GALNTL6: variants seen among roughly 807,000 people sequenced by gnomAD.
GALNTL6 encodes the protein polypeptide N-acetylgalactosaminyltransferase like 6, also known as polypeptide N-acetylgalactosaminyltransferase-like 6.
In GALNTL6, 46 loss-of-function variants were observed where a neutral mutation model predicts 73.7. The ratio of observed to expected loss-of-function variants is 0.62; its 90% CI spans 0.49 to 0.80. The LOEUF is 0.80. GALNTL6 is among the 30% of genes least tolerant of loss of function. GALNTL6 has a pLI of 0.00. For synonymous variants in GALNTL6, 259 were observed against 263.7 expected (o/e 0.98, Z 0.17); for missense variants, 604 against 755.0 (o/e 0.80, Z 2.34).
intron 5 of GALNTL6, among the ~76,000 whole-genome samples, chr4:172,590,159 T>C (rs1347036180): frequency 6.6e-6 from 1 of 152,170 alleles, no homozygotes; most frequent in Non-Finnish European, 1.5e-5. Flanking sequence ...TATCAGTTGC[T>C]TTATGGGGAA....
chr4:172,206,780 TTG>T (rs148042327), intron 2 of GALNTL6, among the ~76,000 whole-genome samples: 3 of 79,044 alleles, frequency 3.8e-5, no homozygotes, highest in Admixed American at 1.6e-4. Context: ...AACGTGTTTT[TTG>T]TTTTGTTTTG....
intron 8 of GALNTL6, among the ~76,000 whole-genome samples, chr4:172,889,751 A>G (rs942976911): frequency 6.6e-6 from 1 of 152,118 alleles, no homozygotes; most frequent in Non-Finnish European, 1.5e-5. Flanking sequence ...TTTTGACATC[A>G]GGGTGATACT....
intron 5 of GALNTL6, among the ~76,000 whole-genome samples, chr4:172,465,817 C>T (rs1415090141): frequency 6.6e-6 from 1 of 152,154 alleles, no homozygotes; most frequent in Admixed American, 6.5e-5. Context: ...GAATCATATC[C>T]ACACCTTTTA....
intron 2 of GALNTL6, among the ~76,000 whole-genome samples, chr4:171,867,485 A>AT (rs1228210796): frequency 6.6e-6 from 1 of 152,104 alleles, no homozygotes; most frequent in Non-Finnish European, 1.5e-5. Flanking sequence ...TTCTAGTCAC[A>AT]TTTTCCATTC....
chr4:171,921,666 AC>A (rs1418987881), intron 2 of GALNTL6, among the ~76,000 whole-genome samples: 2 of 152,106 alleles, frequency 1.3e-5, no homozygotes, highest in Admixed American at 1.3e-4. Context: ...TATTCTGAGA[AC>A]AATTTTTATT....
intron 5 of GALNTL6, among the ~76,000 whole-genome samples, chr4:172,583,890 T>C (rs1394729653): frequency 3.0e-5 from 3 of 101,356 alleles, no homozygotes; most frequent in African/African-American, 4.7e-5. Flanking sequence ...CGAGACTCTG[T>C]CTCAAAAAAA....
intron 10 of GALNTL6, among the ~76,000 whole-genome samples, chr4:173,006,827 A>G (rs1012618828): frequency 3.3e-5 from 5 of 152,232 alleles, no homozygotes; most frequent in African/African-American, 1.2e-4. Flanking sequence ...ATATCCACTT[A>G]TAGTTTTGTT....
At chr4:172,703,810 A>C (rs888378730) in intron 5 of GALNTL6, among the ~76,000 whole-genome samples, 3 of 151,980 alleles carry the variant, frequency 2.0e-5, no homozygotes, top group African/African-American at 7.2e-5. Context: ...TCAGCAGTGA[A>C]GCCATTCAGT....
chr4:172,634,145 A>T (rs1404673888), intron 5 of GALNTL6, among the ~76,000 whole-genome samples: 2 of 152,194 alleles, frequency 1.3e-5, no homozygotes, highest in Non-Finnish European at 2.9e-5. Context: ...CTTCTCAAAA[A>T]GAAGTGTCTA....
intron 5 of GALNTL6, among the ~76,000 whole-genome samples, chr4:172,776,613 C>T (rs1248263046): frequency 6.6e-6 from 1 of 152,062 alleles, no homozygotes; most frequent in Non-Finnish European, 1.5e-5. Context: ...TCAAGGGATA[C>T]TTTTAAGATG....
intron 2 of GALNTL6, among the ~76,000 whole-genome samples, chr4:171,955,317 A>G (rs1739008158): frequency 6.6e-6 from 1 of 151,944 alleles, no homozygotes; most frequent in Non-Finnish European, 1.5e-5. Context: ...TATTCATATA[A>G]TATATATACA....
At chr4:172,460,962 C>T (rs960527564) in intron 5 of GALNTL6, among the ~76,000 whole-genome samples, 18 of 152,090 alleles carry the variant, frequency 1.2e-4, no homozygotes, top group African/African-American at 3.6e-4. Flanking sequence ...AGCTTGGAAC[C>T]AACCCAAATG....
chr4:172,678,662 T>C (rs1422942037), intron 5 of GALNTL6, among the ~76,000 whole-genome samples: 1 of 152,214 alleles, frequency 6.6e-6, no homozygotes, highest in Non-Finnish European at 1.5e-5. Flanking sequence ...GCCATTAGCA[T>C]AAATAATTGT....
chr4:172,265,848 T>C (rs1489811031), intron 3 of GALNTL6, among the ~76,000 whole-genome samples: 1 of 152,046 alleles, frequency 6.6e-6, no homozygotes. Flanking sequence ...AAGAGGATAT[T>C]AGAGTATATT....
intron 9 of GALNTL6, among the ~76,000 whole-genome samples, chr4:172,932,094 C>A (rs1469702126): frequency 1.3e-5 from 2 of 152,140 alleles, no homozygotes; most frequent in Admixed American, 1.3e-4. Flanking sequence ...CATTTTGGTT[C>A]TTTTACTAAT....
At chr4:172,707,852 A>T (rs994862443) in intron 5 of GALNTL6, among the ~76,000 whole-genome samples, 3 of 152,082 alleles carry the variant, frequency 2.0e-5, no homozygotes, top group African/African-American at 7.2e-5. Context: ...TGGTGATCAG[A>T]TATCAAGGGT....
intron 2 of GALNTL6, among the ~76,000 whole-genome samples, chr4:171,852,069 A>G (rs1735537505): frequency 6.6e-6 from 1 of 152,228 alleles, no homozygotes; most frequent in African/African-American, 2.4e-5. Flanking sequence ...AAAATAGTAA[A>G]GAACATTTCA....
chr4:172,227,783 T>G (rs939170768), intron 2 of GALNTL6, among the ~76,000 whole-genome samples: 1 of 152,174 alleles, frequency 6.6e-6, no homozygotes, highest in Non-Finnish European at 1.5e-5. Context: ...TTGTTCAATC[T>G]GCATTATATT....
At chr4:171,949,450 A>G (rs1738801542) in intron 2 of GALNTL6, among the ~76,000 whole-genome samples, 1 of 152,166 alleles carries the variant, frequency 6.6e-6, no homozygotes, top group East Asian at 1.9e-4. Context: ...GGCCTCAAAG[A>G]TTTTCACAGA....
Sources: gnomAD v4.1 joint callset for allele counts (sites outside exome capture counted in the v4.1 genomes callset) on GRCh38, gnomAD v4.1.1 for gene constraint, MANE v1.5 for transcripts, NCBI Gene and HGNC (gene_info 2026-07-23, HGNC 2026-07-21) for gene names.